EPHA6: variants seen among roughly 807,000 people sequenced by gnomAD.
The protein encoded by EPHA6 is EPH receptor A6.
Under a neutral mutation model 112.0 loss-of-function variants are expected in EPHA6, and 50 were observed. The ratio of observed to expected loss-of-function variants is 0.45; its 90% CI spans 0.36 to 0.56. The LOEUF (loss-of-function observed/expected upper bound fraction) is 0.56, where lower values mean the gene tolerates loss of function less well. EPHA6 is among the 20% of genes least tolerant of loss of function. The pLI is 0.00. For missense variants in EPHA6, 1,280 were observed against 1,417.4 expected (o/e 0.90, Z 1.56); for synonymous variants, 529 against 490.7 (o/e 1.08, Z -1.03).
chr3:97,086,550 A>C (rs1005735994), intron 3 of EPHA6, among the ~76,000 whole-genome samples: 1 of 152,078 alleles, frequency 6.6e-6, no homozygotes, highest in Non-Finnish European at 1.5e-5. Flanking sequence ...AGAAAATGGA[A>C]AGGATGTTAA....
intron 5 of EPHA6, among the ~76,000 whole-genome samples, chr3:97,328,651 T>G (rs2082605720): frequency 6.6e-6 from 1 of 152,086 alleles, no homozygotes; most frequent in African/African-American, 2.4e-5. Context: ...TTGTAGATTT[T>G]CTTTTCATCC....
chr3:97,108,289 A>G (rs1248454938), intron 3 of EPHA6, among the ~76,000 whole-genome samples: 2 of 152,208 alleles, frequency 1.3e-5, no homozygotes, highest in East Asian at 1.9e-4. Flanking sequence ...CCAACTGGAT[A>G]GCAAGTGTTC....
At chr3:97,271,793 G>T (rs976377080) in intron 5 of EPHA6, among the ~76,000 whole-genome samples, 1 of 151,998 alleles carries the variant, frequency 6.6e-6, no homozygotes, top group African/African-American at 2.4e-5. Context: ...GTCAAAAATG[G>T]CCACTTCCTT....
chr3:96,969,694 A>G (rs1396583392), intron 2 of EPHA6, among the ~76,000 whole-genome samples: 1 of 151,962 alleles, frequency 6.6e-6, no homozygotes, highest in African/African-American at 2.4e-5. Context: ...CTGTGTGAAG[A>G]TTGTGCTTCT....
intron 5 of EPHA6, among the ~76,000 whole-genome samples, chr3:97,397,133 A>C (rs543436605): frequency 2.6e-5 from 4 of 151,890 alleles, no homozygotes; most frequent in Admixed American, 2.6e-4. Context: ...TATACTGAAT[A>C]CATAATTCTT....
At chr3:97,266,346 C>T (rs1301538460) in intron 5 of EPHA6, among the ~76,000 whole-genome samples, 1 of 152,062 alleles carries the variant, frequency 6.6e-6, no homozygotes, top group African/African-American at 2.4e-5. Flanking sequence ...TTATATTTTT[C>T]CAGTTTACCG....
intron 3 of EPHA6, among the ~76,000 whole-genome samples, chr3:97,216,709 T>G (rs939001124): frequency 6.6e-6 from 1 of 152,140 alleles, no homozygotes; most frequent in African/African-American, 2.4e-5. Flanking sequence ...TATTTTAGAG[T>G]TCGTATTGCT....
In EPHA6 at chr3:97,756,748, A is replaced by C. The variant is rs1300530040; in HGVS notation, c.*8047A>C. ...CATTTTGGGGAGCGAGCAGGACACA[A>C]TATCTGAGCAGTGTTAACAAATATG... On this transcript the variant is annotated 3_prime_UTR_variant, in exon 18 of 18. Transcript: ENST00000389672. Among the ~76,000 whole-genome samples the C allele has an allele frequency of 6.6e-6, 1 of 151,862 alleles. No homozygotes were observed. The highest frequency in any genetic ancestry group is 1.5e-5 in the Non-Finnish European group (1 of 67,792).
chr3:97,736,242 G>A (rs745362283), intron 16 of EPHA6, 124 bp downstream of exon 16: 1 of 602,766 alleles, frequency 1.7e-6, no homozygotes, highest in Non-Finnish European at 2.7e-6. Context: ...TGACTTTGTG[G>A]AAACCATATT....
chr3:97,326,296 T>C (rs1338132700), intron 5 of EPHA6, among the ~76,000 whole-genome samples: 1 of 151,410 alleles, frequency 6.6e-6, no homozygotes, highest in African/African-American at 2.4e-5. Context: ...ACAGCAGCTG[T>C]TCCTGGTAAC....
intron 16 of EPHA6, among the ~76,000 whole-genome samples, chr3:97,744,262 T>A (rs182057229): frequency 6.6e-6 from 1 of 152,098 alleles, no homozygotes; most frequent in East Asian, 1.9e-4. Context: ...ATTTCTCAGG[T>A]GGGCAGTACT....
At chr3:97,474,418 T>G (rs894484285) in intron 7 of EPHA6, among the ~76,000 whole-genome samples, 1 of 151,982 alleles carries the variant, frequency 6.6e-6, no homozygotes, top group Admixed American at 6.6e-5. Context: ...AACTCAATTA[T>G]TACTACAAGT....
chr3:96,889,179 T>C (rs562830299), intron 2 of EPHA6, among the ~76,000 whole-genome samples: 4 of 152,288 alleles, frequency 2.6e-5, no homozygotes, highest in African/African-American at 7.2e-5. Flanking sequence ...ACAAAGCCTT[T>C]CAACAAGTCT....
intron 5 of EPHA6, among the ~76,000 whole-genome samples, chr3:97,402,250 GT>G (rs1344263905): frequency 6.6e-6 from 1 of 151,982 alleles, no homozygotes; most frequent in Non-Finnish European, 1.5e-5. Context: ...TGAGAGTAGG[GT>G]GTTGAAGTCC....
intron 6 of EPHA6, among the ~76,000 whole-genome samples, chr3:97,440,832 TA>T (rs2090098419): frequency 6.6e-6 from 1 of 151,720 alleles, no homozygotes; most frequent in Non-Finnish European, 1.5e-5. Context: ...CAAGCTTACC[TA>T]AAAATAATAG....
chr3:96,900,981 C>A (rs989114672), intron 2 of EPHA6, among the ~76,000 whole-genome samples: 1 of 152,182 alleles, frequency 6.6e-6, no homozygotes, highest in African/African-American at 2.4e-5. Context: ...TAACAAGCCA[C>A]ATATTGAAAC....
chr3:97,144,868 T>C (rs2076000779), intron 3 of EPHA6, among the ~76,000 whole-genome samples: 1 of 151,570 alleles, frequency 6.6e-6, no homozygotes, highest in African/African-American at 2.4e-5. Context: ...TTTGGTTTTG[T>C]TTCTTTCTTA....
chr3:97,509,561 A>G (rs1347691209), intron 10 of EPHA6, among the ~76,000 whole-genome samples: 1 of 152,140 alleles, frequency 6.6e-6, no homozygotes, highest in East Asian at 1.9e-4. Flanking sequence ...ATCAGCTGTT[A>G]GTCTGATGGG....
At chr3:96,927,782 A>G (rs1166249135) in intron 2 of EPHA6, among the ~76,000 whole-genome samples, 2 of 152,134 alleles carry the variant, frequency 1.3e-5, no homozygotes, top group Admixed American at 6.5e-5. Context: ...GGTTGTCTTT[A>G]TAGAAGTGCC....
Sources: gnomAD v4.1 joint callset for allele counts (sites outside exome capture counted in the v4.1 genomes callset) on GRCh38, gnomAD v4.1.1 for gene constraint, MANE v1.5 for transcripts, NCBI Gene and HGNC (gene_info 2026-07-23, HGNC 2026-07-21) for gene names.